The following TMEM178A variants were observed in gnomAD, a reference collection of about 807,000 sequenced individuals.
The protein encoded by TMEM178A is transmembrane protein 178A, also known as transmembrane protein 178.
Under a neutral mutation model 29.1 loss-of-function variants are expected in TMEM178A, and 12 were observed. The ratio of observed to expected loss-of-function variants is 0.41; its 90% CI spans 0.26 to 0.67. TMEM178A has a LOEUF of 0.67. Among genes scored for constraint, TMEM178A ranks in the 30% least tolerant of loss-of-function variants. The pLI is 0.29. For missense variants in TMEM178A, 366 were observed against 419.1 expected, an observed-to-expected ratio of 0.87 and a Z score of 1.11; for synonymous variants, 210 against 187.2, an observed-to-expected ratio of 1.12 and a Z score of -0.99.
At chr2:39,686,506 G>A (rs931675308) in intron 1 of TMEM178A, among the ~76,000 whole-genome samples, 7 of 152,024 alleles carry the variant, frequency 4.6e-5, no homozygotes, top group African/African-American at 9.7e-5. Context: ...CACAGGCACC[G>A]GCTTCTGGTG....
chr2:39,734,653 A>T, the TMEM178A span, among the ~76,000 whole-genome samples: 1 of 152,244 alleles, frequency 6.6e-6, no homozygotes, highest in African/African-American at 2.4e-5. Context: ...AAGCAAGTCT[A>T]AACAAGATCT....
chr2:39,666,459 G>A lies in TMEM178A; in HGVS notation c.400+85G>A, dbSNP rs1670164062. 2.6e-6 allele frequency: 3 copies of A among 1,136,758 alleles called. No homozygotes were observed. In the African/African-American group the frequency reaches 4.9e-5, roughly 19 times the overall value. 70.4% of individuals were successfully genotyped at this position (1,136,758 alleles called of 1,614,324 possible). A position where few individuals can be genotyped will look rare whatever the true frequency, so the allele number is the denominator to read the frequency against. ...TCCCAGGGGCGCGCCGGTCCCCGCA[G>A]CCCCCTCCCAGCCGCGGCCCCGCGC... On this transcript the variant is annotated intron_variant, in intron 1 of 3. Coordinates refer to ENST00000281961, the MANE Select transcript of TMEM178A (RefSeq NM_152390.3).
chr2:39,694,013 A>G (rs1305410666), intron 1 of TMEM178A, among the ~76,000 whole-genome samples: 3 of 149,576 alleles, frequency 2.0e-5, no homozygotes, highest in Admixed American at 1.3e-4. Context: ...TATCTCTGAA[A>G]TGGGTTGAAT....
chr2:39,692,888 C>T (rs1037500538), intron 1 of TMEM178A, among the ~76,000 whole-genome samples: 4 of 152,164 alleles, frequency 2.6e-5, no homozygotes, highest in Admixed American at 1.3e-4. Context: ...TACATACACA[C>T]ATTTAAGGCA....
At chr2:39,727,188 C>T in the TMEM178A span, among the ~76,000 whole-genome samples, 1 of 152,194 alleles carries the variant, frequency 6.6e-6, no homozygotes, top group Admixed American at 6.5e-5. Context: ...TATCCTCTTG[C>T]TCCTGCTCAC....
intron 2 of TMEM178A, among the ~76,000 whole-genome samples, chr2:39,706,045 A>T (rs566785271): frequency 7.0e-4 from 106 of 152,342 alleles, no homozygotes; most frequent in African/African-American, 2.4e-3. Flanking sequence ...AGCATTTTTT[A>T]AAAAAAGAAG....
At chr2:39,693,040 G>A (rs547860919) in intron 1 of TMEM178A, among the ~76,000 whole-genome samples, 1 of 152,272 alleles carries the variant, frequency 6.6e-6, no homozygotes, top group African/African-American at 2.4e-5. Context: ...CTTGAACCCG[G>A]GAGGCGGAGC....
intron 1 of TMEM178A, among the ~76,000 whole-genome samples, chr2:39,692,899 G>GA (rs1158556942): frequency 3.9e-5 from 6 of 152,144 alleles, no homozygotes; most frequent in African/African-American, 1.4e-4. Flanking sequence ...ATTTAAGGCA[G>GA]AAAAAATACA....
At chr2:39,708,808 T>C (rs1672174681) in intron 3 of TMEM178A, among the ~76,000 whole-genome samples, 1 of 152,182 alleles carries the variant, frequency 6.6e-6, no homozygotes, top group Non-Finnish European at 1.5e-5. Flanking sequence ...TGTCTAAAAA[T>C]GTGCCAGGTG....
chr2:39,702,759 C>T (rs1017834379), intron 1 of TMEM178A, among the ~76,000 whole-genome samples: 9 of 151,466 alleles, frequency 5.9e-5, no homozygotes, highest in Admixed American at 1.3e-4. Flanking sequence ...TTCCAAAAAT[C>T]AGAGATAGTT....
At chr2:39,670,340 G>C (rs780183651) in intron 1 of TMEM178A, among the ~76,000 whole-genome samples, 6 of 152,232 alleles carry the variant, frequency 3.9e-5, no homozygotes, top group African/African-American at 1.4e-4. Context: ...ATGTTGGAGT[G>C]TTGGTTATTG....
downstream of TMEM178A, among the ~76,000 whole-genome samples, chr2:39,721,348 T>C (rs1558470382): frequency 6.6e-6 from 1 of 152,378 alleles, no homozygotes; most frequent in East Asian, 1.9e-4. Flanking sequence ...TATGTCTGCC[T>C]GGAGCCCCTG....
At chr2:39,667,197 C>T (rs2148048441) in intron 1 of TMEM178A, among the ~76,000 whole-genome samples, 1 of 152,336 alleles carries the variant, frequency 6.6e-6, no homozygotes, top group African/African-American at 2.4e-5. Flanking sequence ...CTCTGCTTAT[C>T]ACTCTGTCTT....
chr2:39,729,426 G>T, the TMEM178A span, among the ~76,000 whole-genome samples: 1 of 152,202 alleles, frequency 6.6e-6, no homozygotes, highest in Non-Finnish European at 1.5e-5. Flanking sequence ...AAAAGCTGGT[G>T]TTCTGGTTTC....
the TMEM178A span, among the ~76,000 whole-genome samples, chr2:39,734,390 G>A: frequency 6.6e-6 from 1 of 152,144 alleles, no homozygotes; most frequent in African/African-American, 2.4e-5. Flanking sequence ...AGTTTTCTTT[G>A]GAGTTTCCTC....
intron 1 of TMEM178A, among the ~76,000 whole-genome samples, chr2:39,677,996 A>C (rs938868583): frequency 6.6e-5 from 10 of 152,256 alleles, no homozygotes; most frequent in Middle Eastern, 6.8e-3. Context: ...GCAGGAGAGA[A>C]AGGAAAGGAG....
chr2:39,666,316 C>G lies in TMEM178A; in HGVS notation c.342C>G (p.Leu114=). The G allele has an allele frequency of 6.9e-7, 1 of 1,452,446 alleles. No homozygotes were observed. The highest frequency in any genetic ancestry group is 9.1e-7 in the Non-Finnish European group (1 of 1,102,590). 90.0% of individuals were successfully genotyped at this position (1,452,446 alleles called of 1,614,324 possible). Residue 114 remains leucine (L), a synonymous_variant, in exon 1 of 4, where the codon CTC becomes CTG. Coordinates refer to ENST00000281961, the MANE Select transcript of TMEM178A (RefSeq NM_152390.3). ...CCCTCTTCGCCACCTACTCGGGCCT[C>G]TGGAGGAAGTGCTACTTCCTGGGCA... ...GRPLFATYSG[L]WRKCYFLGID...
chr2:39,721,837 T>C (rs911913124), downstream of TMEM178A, among the ~76,000 whole-genome samples: 1 of 151,676 alleles, frequency 6.6e-6, no homozygotes, highest in Non-Finnish European at 1.5e-5. Flanking sequence ...AAAACATTTT[T>C]AAAATTAGCC....
rs149903489 is a variant in TMEM178A, at chr2:39,704,138, G to A, written c.458G>A (p.Arg153Gln). The A allele has an allele frequency of 2.2e-5, 35 of 1,614,120 alleles. No individual in the cohort carries two copies. Among genetic ancestry groups the A allele is most frequent in the African/African-American group, 1.3e-4 (10 of 75,036 alleles). ...CACTTTTCTCAGCCCATCCGCTTGCGAAACATTCCTTTTAATTTAACCAAG... is the reference window on the plus strand; with the variant it reads ...CACTTTTCTCAGCCCATCCGCTTGCAAAACATTCCTTTTAATTTAACCAAG... ...KYHFSQPIRL[R>Q]NIPFNLTKTI... Residue 153 changes from arginine (R) to glutamine (Q), a missense_variant, in exon 2 of 4, where the codon CGA (arginine) becomes CAA (glutamine). Transcript: ENST00000281961.
Sources: allele counts gnomAD v4.1 joint callset (sites outside exome capture counted in the v4.1 genomes callset), GRCh38; gene constraint gnomAD v4.1.1; transcripts MANE v1.5; gene names NCBI Gene and HGNC (gene_info 2026-07-23, HGNC 2026-07-21).